BRINP1: variants seen among roughly 807,000 people sequenced by gnomAD.
BRINP1 encodes BMP/retinoic acid-inducible neural-specific protein 1.
Under a neutral mutation model 72.9 loss-of-function variants are expected in BRINP1, and 17 were observed. That is an observed-to-expected ratio of 0.23 (90% CI 0.16 to 0.35). BRINP1 has a LOEUF of 0.35. Among genes scored for constraint, BRINP1 ranks in the 10% least tolerant of loss-of-function variants. The probability of loss-of-function intolerance (pLI) is 1.00; values close to 1 mark genes in which losing one functional copy is unlikely to be tolerated. For missense variants in BRINP1, 850 were observed against 1,001.6 expected (o/e 0.85, Z 2.04); for synonymous variants, 418 against 378.5 (o/e 1.10, Z -1.21).
Position 119,340,921 on chromosome 9 carries a change from T to G in BRINP1, c.-50-27516A>C, listed in dbSNP as rs537605895. Among the ~76,000 whole-genome samples, 6 of 152,200 alleles carry G rather than the reference T, an allele frequency of 3.9e-5. No homozygotes were observed. The East Asian group carries it at 1.2e-3, about 29-fold the overall frequency. The stretch of plus-strand genomic sequence containing the variant: ...AACATTAACAGCAAAAGGATAAGAA[T>G]GAAAAGGCTCGAAGAGGGAGACATG... On this transcript the variant is annotated intron_variant, in intron 1 of 7. Coordinates refer to ENST00000265922, the MANE Select transcript of BRINP1 (RefSeq NM_014618.3).
At chr9:119,211,713 C>T (rs190533975) in intron 6 of BRINP1, among the ~76,000 whole-genome samples, 166 of 152,278 alleles carry the variant, frequency 1.1e-3, no homozygotes, top group African/African-American at 3.9e-3. Context: ...AAGGAAAACT[C>T]ATATGCACAA....
chr9:119,187,468 G>A (rs1176474399), intron 7 of BRINP1, among the ~76,000 whole-genome samples: 1 of 151,824 alleles, frequency 6.6e-6, no homozygotes, highest in Non-Finnish European at 1.5e-5. Flanking sequence ...GATTACAACT[G>A]AAGAAGTTGC....
At chr9:119,332,567 G>C (rs1486727333) in intron 1 of BRINP1, among the ~76,000 whole-genome samples, 1 of 152,150 alleles carries the variant, frequency 6.6e-6, no homozygotes, top group Non-Finnish European at 1.5e-5. Context: ...TGTCAGTTCT[G>C]AGCCTGTACA....
intron 2 of BRINP1, among the ~76,000 whole-genome samples, chr9:119,251,125 G>T (rs925976414): frequency 6.6e-6 from 1 of 152,134 alleles, no homozygotes; most frequent in Non-Finnish European, 1.5e-5. Flanking sequence ...CATAATTCAA[G>T]ACATAGTTCA....
At chr9:119,206,308 C>T (rs932765036) in intron 7 of BRINP1, among the ~76,000 whole-genome samples, 18 of 151,072 alleles carry the variant, frequency 1.2e-4, no homozygotes, top group African/African-American at 2.9e-4. Context: ...CCCAGCTACT[C>T]GCAAGGGGAG....
In BRINP1 at chr9:119,228,020, A is replaced by G. The variant is rs1377076066; in HGVS notation, c.685+10635T>C. Among the ~76,000 whole-genome samples, 8 of 152,002 alleles carry G rather than the reference A, an allele frequency of 5.3e-5. 1 individual carries two copies. The highest frequency in any genetic ancestry group is 1.3e-4 in the Admixed American group (2 of 15,226). ...TACTATTTGTTGCAAGATGATTTTG[A>G]AAATAGTCATCTTCGCTCCATCTGT... On this transcript the variant is annotated intron_variant, in intron 5 of 7. Transcript: ENST00000265922.
At chr9:119,343,381 A>G (rs1341721031) in intron 1 of BRINP1, among the ~76,000 whole-genome samples, 1 of 152,184 alleles carries the variant, frequency 6.6e-6, no homozygotes, top group African/African-American at 2.4e-5. Flanking sequence ...CTTGAACTTA[A>G]CAACTGCTCC....
intron 2 of BRINP1, among the ~76,000 whole-genome samples, chr9:119,275,470 T>C (rs962449397): frequency 1.3e-5 from 2 of 152,164 alleles, no homozygotes; most frequent in Non-Finnish European, 2.9e-5. Context: ...CTGAGTCCAA[T>C]AGGACTATAT....
chr9:119,317,471 A>C (rs1380415123), intron 1 of BRINP1, among the ~76,000 whole-genome samples: 2 of 152,236 alleles, frequency 1.3e-5, no homozygotes, highest in Non-Finnish European at 2.9e-5. Context: ...ATGGATGAGC[A>C]AAGAAAGCAG....
chr9:119,219,860 C>A (rs1033288906), intron 5 of BRINP1, among the ~76,000 whole-genome samples: 8 of 152,002 alleles, frequency 5.3e-5, no homozygotes, highest in Non-Finnish European at 1.2e-4. Context: ...AAGCTGAGAC[C>A]TAATGGATAC....
chr9:119,247,302 CTGGT>C (rs10643542), intron 3 of BRINP1, among the ~76,000 whole-genome samples: 1 of 151,092 alleles, frequency 6.6e-6, no homozygotes, highest in East Asian at 2.0e-4. Context: ...CTAACACATG[CTGGT>C]TGGTTGGTTG....
At chr9:119,187,678 C>T (rs1285171565) in intron 7 of BRINP1, among the ~76,000 whole-genome samples, 2 of 152,010 alleles carry the variant, frequency 1.3e-5, no homozygotes, top group Non-Finnish European at 2.9e-5. Flanking sequence ...CATGACACCA[C>T]CAAAAGAACA....
chr9:119,283,881 C>A (rs1257312625), intron 2 of BRINP1, among the ~76,000 whole-genome samples: 1 of 152,152 alleles, frequency 6.6e-6, no homozygotes, highest in Non-Finnish European at 1.5e-5. Flanking sequence ...CTGATGCTAT[C>A]ATTCCTCCTT....
At chr9:119,171,343 T>C (rs1829408189) in intron 7 of BRINP1, among the ~76,000 whole-genome samples, 1 of 123,276 alleles carries the variant, frequency 8.1e-6, no homozygotes, top group Admixed American at 8.3e-5. Flanking sequence ...TAGTCTCTGA[T>C]AAAACAGACT....
intron 2 of BRINP1, among the ~76,000 whole-genome samples, chr9:119,277,350 G>T (rs1830668006): frequency 6.6e-6 from 1 of 152,148 alleles, no homozygotes; most frequent in Admixed American, 6.5e-5. Flanking sequence ...GGCATTGGTT[G>T]GTCAAAGTCA....
intron 7 of BRINP1, among the ~76,000 whole-genome samples, chr9:119,194,861 A>G (rs994872020): frequency 1.3e-5 from 2 of 152,218 alleles, no homozygotes; most frequent in African/African-American, 2.4e-5. Flanking sequence ...CAGCTATACC[A>G]TACCTAAACT....
chr9:119,292,453 G>A (rs1411946391), intron 2 of BRINP1, among the ~76,000 whole-genome samples: 1 of 152,134 alleles, frequency 6.6e-6, no homozygotes, highest in East Asian at 1.9e-4. Context: ...AGGACATTAT[G>A]TTACTATTCA....
At chr9:119,350,587 T>G (rs1458003904) in intron 1 of BRINP1, among the ~76,000 whole-genome samples, 1 of 151,978 alleles carries the variant, frequency 6.6e-6, no homozygotes, top group African/African-American at 2.4e-5. Context: ...TATAAAGATA[T>G]ATCTCTCCAC....
At chr9:119,282,075 A>G (rs545320482) in intron 2 of BRINP1, among the ~76,000 whole-genome samples, 1 of 152,356 alleles carries the variant, frequency 6.6e-6, no homozygotes, top group East Asian at 1.9e-4. Flanking sequence ...TCAAAAATAC[A>G]AACTTATATT....
Sources: allele counts gnomAD v4.1 joint callset (sites outside exome capture counted in the v4.1 genomes callset), GRCh38; gene constraint gnomAD v4.1.1; transcripts MANE v1.5; gene names NCBI Gene and HGNC (gene_info 2026-07-23, HGNC 2026-07-21).